CCDC171: variants seen among roughly 807,000 people sequenced by gnomAD.
CCDC171 encodes the protein coiled-coil domain-containing protein 171.
CCDC171 carries 177 observed loss-of-function variants against 168.2 expected under a neutral mutation model. That is an observed-to-expected ratio of 1.05 (90% confidence interval 0.93 to 1.19). The LOEUF (loss-of-function observed/expected upper bound fraction) is 1.19, where lower values mean the gene tolerates loss of function less well. CCDC171 is among the 50% of genes most tolerant of loss of function. The pLI is 0.00. For missense variants in CCDC171, 1,991 were observed against 1,539.0 expected (o/e 1.29, Z -4.91); for synonymous variants, 687 against 540.8 (o/e 1.27, Z -3.75).
chr9:15,975,729 C>G (rs117985554), downstream of CCDC171, among the ~76,000 whole-genome samples: 1 of 152,152 alleles, frequency 6.6e-6, no homozygotes, highest in Non-Finnish European at 1.5e-5. Flanking sequence ...ACTTGTGTAA[C>G]TCCTAGGATA....
At position 15,779,008 on chromosome 9, in the gene CCDC171, C is replaced by G. The variant is rs759092796; in HGVS notation, c.2939C>G (p.Thr980Arg). 5 of 1,573,370 alleles carry G rather than the reference C, an allele frequency of 3.2e-6. No homozygotes were observed. The East Asian group carries it at 1.1e-4, about 36-fold the overall frequency. The stretch of plus-strand genomic sequence containing the variant: ...TTGCAGAAGCAAATACTTGGATTTA[C>G]ACAAAGACTGCATGCTGCAGAAGTG... ...ASLQKQILGF[T>R]QRLHAAEVER... is the part of the protein sequence containing the mutation. The change falls in exon 20 of 26, where the codon ACA (threonine) becomes AGA (arginine). Residue 980 changes from threonine (T) to arginine (R), a missense_variant. By Grantham distance (71) the Thr-to-Arg change is moderately conservative (BLOSUM62 -1). Coordinates refer to ENST00000380701, the MANE Select transcript of CCDC171 (RefSeq NM_173550.4).
chr9:15,586,992 T>C (rs1469778071), intron 4 of CCDC171, among the ~76,000 whole-genome samples: 1 of 152,120 alleles, frequency 6.6e-6, no homozygotes, highest in African/African-American at 2.4e-5. Context: ...AAATTTTTTT[T>C]TGTAGAGACT....
At chr9:15,648,237 G>A (rs908684612) in intron 7 of CCDC171, among the ~76,000 whole-genome samples, 1 of 152,112 alleles carries the variant, frequency 6.6e-6, no homozygotes, top group Non-Finnish European at 1.5e-5. Context: ...AGGTATTGAT[G>A]GGACGTATCT....
In CCDC171 at chr9:15,663,011, A is replaced by G. The variant is rs146523688; in HGVS notation, c.916-3152A>G. ...CAACAACAACAACAACAACAACAACAACAACAACAACAAATTGCCTGATTA... is the reference window on the plus strand; with the variant it reads ...CAACAACAACAACAACAACAACAACGACAACAACAACAAATTGCCTGATTA... On this transcript the variant is annotated intron_variant, in intron 8 of 25. Coordinates refer to ENST00000380701, the MANE Select transcript of CCDC171 (RefSeq NM_173550.4). 2.6e-5 allele frequency among the ~76,000 whole-genome samples: 4 copies of G among 152,124 alleles called. No individual in the cohort carries two copies. The East Asian group carries it at 7.7e-4, about 29-fold the overall frequency.
intron 6 of CCDC171, among the ~76,000 whole-genome samples, chr9:16,027,044 C>T (rs1395785630): frequency 2.0e-5 from 3 of 152,154 alleles, no homozygotes; most frequent in African/African-American, 7.2e-5. Flanking sequence ...CTTGATATTG[C>T]ACTTGGTGAT....
At position 15,949,271 on chromosome 9, in the gene CCDC171, TG is replaced by T. The variant is rs560576218; in HGVS notation, c.3754-22337del. Among the ~76,000 whole-genome samples, 1,012 of 152,308 alleles carry T rather than the reference TG, an allele frequency of 6.6e-3. 11 individuals are homozygous for T. The highest frequency in any genetic ancestry group is 0.023 in the African/African-American group (960 of 41,552). ...TCAGGTAGCATGATGCCTCCAGCTT[TG>T]TTTTTTTGGCTTGGGATTGACTTGG... On this transcript the variant is annotated intron_variant, in intron 25 of 25. Transcript: ENST00000380701.
At chr9:15,866,882 C>T (rs2061811955) in intron 23 of CCDC171, among the ~76,000 whole-genome samples, 1 of 151,990 alleles carries the variant, frequency 6.6e-6, no homozygotes, top group Non-Finnish European at 1.5e-5. Context: ...CCAGTAGGCA[C>T]TTAATGAATG....
intron 21 of CCDC171, among the ~76,000 whole-genome samples, chr9:15,788,302 G>T (rs923380611): frequency 6.6e-6 from 1 of 152,120 alleles, no homozygotes; most frequent in Non-Finnish European, 1.5e-5. Flanking sequence ...TTAAGTTACA[G>T]GATGTTTATG....
At chr9:15,640,303 G>A (rs1363248975) in intron 7 of CCDC171, among the ~76,000 whole-genome samples, 10 of 151,920 alleles carry the variant, frequency 6.6e-5, no homozygotes, top group Non-Finnish European at 1.2e-4. Flanking sequence ...CAGTTCCCGT[G>A]TTCTGAGTCA....
intron 6 of CCDC171, among the ~76,000 whole-genome samples, chr9:15,607,624 G>C (rs1036610978): frequency 6.6e-6 from 1 of 152,000 alleles, no homozygotes; most frequent in South Asian, 2.1e-4. Context: ...ACCACACCTG[G>C]CTAATTTTTG....
intron 3 of CCDC171, among the ~76,000 whole-genome samples, chr9:16,007,514 A>G (rs970268015): frequency 4.6e-5 from 7 of 152,266 alleles, no homozygotes; most frequent in Admixed American, 3.9e-4. Context: ...GCCCATGCCT[A>G]TGTCCTGAAT....
At chr9:15,560,402 A>C (rs1339412049) in intron 1 of CCDC171, among the ~76,000 whole-genome samples, 1 of 151,948 alleles carries the variant, frequency 6.6e-6, no homozygotes, top group African/African-American at 2.4e-5. Context: ...ATAGTCCTGT[A>C]TTTCTTGGAG....
At chr9:15,665,702 G>A (rs1424507477) in intron 8 of CCDC171, among the ~76,000 whole-genome samples, 3 of 152,146 alleles carry the variant, frequency 2.0e-5, no homozygotes, top group Admixed American at 6.5e-5. Flanking sequence ...GATCACTTGA[G>A]CCCAGGAATT....
chr9:16,029,109 T>G (rs1372595180), intron 6 of CCDC171, among the ~76,000 whole-genome samples: 1 of 152,008 alleles, frequency 6.6e-6, no homozygotes, highest in African/African-American at 2.4e-5. Context: ...GTTTAAGATT[T>G]TTAGACGTGG....
At chr9:16,008,050 G>A (rs893275038) in intron 3 of CCDC171, among the ~76,000 whole-genome samples, 1 of 152,128 alleles carries the variant, frequency 6.6e-6, no homozygotes, top group East Asian at 1.9e-4. Context: ...TCTTTATAGT[G>A]TCCTTTGAAG....
At chr9:15,722,274 C>T (rs937454721) in intron 12 of CCDC171, among the ~76,000 whole-genome samples, 6 of 152,138 alleles carry the variant, frequency 3.9e-5, no homozygotes, top group African/African-American at 1.4e-4. Context: ...GTTAAGATTT[C>T]TACAAACTGT....
intron 6 of CCDC171, among the ~76,000 whole-genome samples, chr9:15,594,614 C>T (rs536775813): frequency 1.1e-4 from 17 of 152,086 alleles, no homozygotes; most frequent in South Asian, 4.2e-4. Context: ...GCAGAATCCC[C>T]GAGGCTTCTA....
intron 21 of CCDC171, among the ~76,000 whole-genome samples, chr9:15,793,057 G>A (rs2058351860): frequency 6.6e-6 from 1 of 152,152 alleles, no homozygotes. Flanking sequence ...AGACCCATCA[G>A]TGTGCTGTAT....
chr9:15,940,301 C>T (rs867607094), intron 25 of CCDC171, among the ~76,000 whole-genome samples: 26 of 151,844 alleles, frequency 1.7e-4, no homozygotes, highest in Admixed American at 2.0e-4. Flanking sequence ...ATTTGATCTA[C>T]CTGTAGAACT....
Sources: allele counts gnomAD v4.1 joint callset (sites outside exome capture counted in the v4.1 genomes callset), GRCh38; gene constraint gnomAD v4.1.1; transcripts MANE v1.5; gene names NCBI Gene and HGNC (gene_info 2026-07-23, HGNC 2026-07-21).